The following ANXA3 variants were observed in gnomAD, a reference collection of about 807,000 sequenced individuals.
ANXA3 encodes the protein 35-alpha calcimedin.
In ANXA3, 46 loss-of-function variants were observed where a neutral mutation model predicts 48.8. That is an observed-to-expected ratio of 0.94 (90% CI 0.74 to 1.21). The LOEUF (loss-of-function observed/expected upper bound fraction) is 1.21, where lower values mean the gene tolerates loss of function less well. Ranked by LOEUF, ANXA3 falls within the 50% of genes most tolerant of loss-of-function variation. The pLI, the probability that ANXA3 is intolerant of heterozygous loss-of-function variation, is 0.00. For synonymous variants in ANXA3, 128 were observed against 134.7 expected, an observed-to-expected ratio of 0.95 and a Z score of 0.35; for missense variants, 383 against 378.6, an observed-to-expected ratio of 1.01 and a Z score of -0.10.
intron 2 of ANXA3, among the ~76,000 whole-genome samples, chr4:78,559,988 C>T (rs1440284729): frequency 6.6e-6 from 1 of 152,120 alleles, no homozygotes; most frequent in African/African-American, 2.4e-5. Context: ...GGGCTTCTGC[C>T]TATTTCCTGG....
chr4:78,601,399 G>A, intron 10 of ANXA3, 111 bp from the exon 11 acceptor site: 1 of 934,722 alleles, frequency 1.1e-6, no homozygotes. Flanking sequence ...TGTGGGGAGG[G>A]GATAGAGTGG....
At chr4:78,567,611 G>C (rs1578392701) in intron 2 of ANXA3, among the ~76,000 whole-genome samples, 1 of 152,192 alleles carries the variant, frequency 6.6e-6, no homozygotes, top group East Asian at 1.9e-4. Flanking sequence ...CAAGACAATA[G>C]AAAAGGACCT....
At position 78,573,264 on chromosome 4, in the gene ANXA3, A is replaced by T. The variant is rs776925223; in HGVS notation, c.100A>T (p.Ile34Phe). 15 of 1,606,328 alleles carry T rather than the reference A, an allele frequency of 9.3e-6. No homozygotes were observed. In the East Asian group the frequency reaches 3.3e-4, roughly 36 times the overall value. ...AEAIQKAIRG[I>F]GTDEKMLISI... ...AGCTATTCAGAAAGCAATCAGAGGAATTGGTGAGTGATATTTTACAATTCC... is the reference window on the plus strand; with the variant it reads ...AGCTATTCAGAAAGCAATCAGAGGATTTGGTGAGTGATATTTTACAATTCC... Residue 34 changes from isoleucine to phenylalanine, a missense_variant, in exon 3 of 13, where the codon ATT (isoleucine) becomes TTT (phenylalanine). Coordinates refer to ENST00000264908, the MANE Select transcript of ANXA3 (RefSeq NM_005139.3).
At chr4:78,554,219 C>T (rs1722462868) in intron 1 of ANXA3, among the ~76,000 whole-genome samples, 1 of 152,122 alleles carries the variant, frequency 6.6e-6, no homozygotes, top group Admixed American at 6.5e-5. Flanking sequence ...GTCTTGAAGT[C>T]CTCACAGGTC....
chr4:78,584,363 G>C (rs1292035228), intron 5 of ANXA3, among the ~76,000 whole-genome samples: 1 of 151,608 alleles, frequency 6.6e-6, no homozygotes, highest in Non-Finnish European at 1.5e-5. Context: ...TTTTTGTAGA[G>C]ACAGGGTCTT....
rs541910291 is a variant in ANXA3, at chr4:78,582,283, C to T, written c.305C>T (p.Ser102Phe). The change falls in exon 5 of 13, where the codon TCC becomes TTC. Residue 102 changes from serine to phenylalanine, a missense_variant. Coordinates refer to ENST00000264908, the MANE Select transcript of ANXA3 (RefSeq NM_005139.3). The part of the protein sequence containing the change: ...AVFDAKQLKK[S>F]MKGAGTNEDA... Reference sequence around the variant, plus strand: ...TTTGATGCAAAGCAGCTAAAGAAATCCATGAAGGTATGAGCCCCCCACAAG... The same window carrying T: ...TTTGATGCAAAGCAGCTAAAGAAATTCATGAAGGTATGAGCCCCCCACAAG... 8.4e-5 allele frequency: 135 copies of T among 1,608,904 alleles called. No homozygotes were observed. The highest frequency in any genetic ancestry group is 1.1e-4 in the Non-Finnish European group (129 of 1,175,604).
intron 2 of ANXA3, among the ~76,000 whole-genome samples, chr4:78,569,775 G>A (rs1240650937): frequency 6.6e-6 from 1 of 152,154 alleles, no homozygotes; most frequent in Non-Finnish European, 1.5e-5. Context: ...GAACTCCCTC[G>A]AGGCATTGTG....
intron 3 of ANXA3, among the ~76,000 whole-genome samples, chr4:78,578,516 G>A (rs1479119240): frequency 6.6e-6 from 1 of 152,098 alleles, no homozygotes; most frequent in Non-Finnish European, 1.5e-5. Context: ...TGTGACTTTG[G>A]CAAGGAAGAT....
At chr4:78,585,563 G>A (rs992286047) in intron 5 of ANXA3, among the ~76,000 whole-genome samples, 1 of 152,192 alleles carries the variant, frequency 6.6e-6, no homozygotes, top group Non-Finnish European at 1.5e-5. Context: ...CTTTATATGG[G>A]TAGCAATGTA....
chr4:78,566,716 C>G (rs1445807475), intron 2 of ANXA3, among the ~76,000 whole-genome samples: 1 of 152,072 alleles, frequency 6.6e-6, no homozygotes, highest in African/African-American at 2.4e-5. Context: ...GAGCACAGGG[C>G]TCACTAGTCG....
chr4:78,553,276 T>C (rs1212445961), intron 1 of ANXA3, among the ~76,000 whole-genome samples: 3 of 152,212 alleles, frequency 2.0e-5, no homozygotes, highest in East Asian at 1.9e-4. Flanking sequence ...AAAACGAAGA[T>C]GTAATACCTA....
At chr4:78,588,204 C>A (rs1723216747) in intron 6 of ANXA3, among the ~76,000 whole-genome samples, 1 of 151,964 alleles carries the variant, frequency 6.6e-6, no homozygotes. Flanking sequence ...CCAGCCCAGG[C>A]AACATGACAA....
chr4:78,606,471 G>T (rs897308037), intron 12 of ANXA3, among the ~76,000 whole-genome samples: 3 of 152,136 alleles, frequency 2.0e-5, no homozygotes, highest in Non-Finnish European at 2.9e-5. Flanking sequence ...CTACCTCTGT[G>T]GGGGAGCTTA....
In ANXA3 at chr4:78,586,274, C is replaced by T. The variant is rs144437584; in HGVS notation, c.327C>T (p.Asn109=). Residue 109 remains asparagine (N), a synonymous_variant, in exon 6 of 13, where the codon AAC becomes AAT. Transcript: ENST00000264908. ...LKKSMKGAGT[N]EDALIEILTT... ...TTCCTTTTTAGGGCGCGGGAACAAA[C>T]GAAGATGCCTTGATTGAAATCTTAA... 1.3e-5 allele frequency: 21 copies of T among 1,613,246 alleles called. No homozygotes were observed. Among genetic ancestry groups the T allele is most frequent in the South Asian group, 4.4e-5 (4 of 91,036 alleles).
chr4:78,577,360 G>A (rs1459971922), intron 3 of ANXA3, among the ~76,000 whole-genome samples: 1 of 152,092 alleles, frequency 6.6e-6, no homozygotes, highest in Non-Finnish European at 1.5e-5. Flanking sequence ...GTGGATGAGG[G>A]AACATAAAAA....
chr4:78,568,362 A>G (rs537151405), intron 2 of ANXA3, among the ~76,000 whole-genome samples: 2 of 152,336 alleles, frequency 1.3e-5, no homozygotes, highest in Non-Finnish European at 2.9e-5. Context: ...TCATGACCCA[A>G]CATAGCATCT....
intron 1 of ANXA3, chr4:78,552,400 T>G (rs1299079426): frequency 6.6e-6 from 1 of 152,208 alleles, no homozygotes; most frequent in Non-Finnish European, 1.5e-5. Context: ...CTTATTTTTT[T>G]TAGAAGGTAG....
intron 2 of ANXA3, among the ~76,000 whole-genome samples, chr4:78,568,027 G>A (rs979758533): frequency 2.0e-5 from 3 of 152,146 alleles, no homozygotes; most frequent in African/African-American, 7.2e-5. Flanking sequence ...TGTCTTATAA[G>A]GATACCAGTG....
At chr4:78,559,868 G>A (rs899683691) in intron 2 of ANXA3, among the ~76,000 whole-genome samples, 1 of 152,330 alleles carries the variant, frequency 6.6e-6, no homozygotes, top group Non-Finnish European at 1.5e-5. Flanking sequence ...GCCTGGCATG[G>A]AGTGAGCACT....
Sources: allele counts gnomAD v4.1 joint callset (sites outside exome capture counted in the v4.1 genomes callset), GRCh38; gene constraint gnomAD v4.1.1; transcripts MANE v1.5; gene names NCBI Gene and HGNC (gene_info 2026-07-23, HGNC 2026-07-21).